NCAM2: variants seen among roughly 807,000 people sequenced by gnomAD.
NCAM2 encodes the protein N-CAM-2.
In NCAM2, 30 loss-of-function variants were observed where a neutral mutation model predicts 98.1. The ratio of observed to expected loss-of-function variants is 0.31; its 90% CI spans 0.23 to 0.41. NCAM2 has a LOEUF of 0.41. Ranked by LOEUF, NCAM2 falls within the 10% of genes least tolerant of loss-of-function variation. NCAM2 has a pLI of 1.00. For synonymous variants in NCAM2, 368 were observed against 342.4 expected (o/e 1.07, Z -0.83); for missense variants, 867 against 1,005.8 (o/e 0.86, Z 1.87).
chr21:21,117,045 T>C (rs1233039247), intron 1 of NCAM2, among the ~76,000 whole-genome samples: 1 of 152,194 alleles, frequency 6.6e-6, no homozygotes, highest in Non-Finnish European at 1.5e-5. Context: ...GTATATTCAG[T>C]GTACAATATG....
Position 21,537,898 on chromosome 21 carries a change from A to G in NCAM2, c.2455A>G (p.Ile819Val), listed in dbSNP as rs377126033. 5.1e-6 allele frequency: 8 copies of G among 1,583,476 alleles called. No homozygotes were observed. Among genetic ancestry groups the G allele is most frequent in the Non-Finnish European group, 4.3e-6 (5 of 1,165,888 alleles). ...DGKEALNPET[I>V]EIKVSNDIIQ... ...GAAAGAAGCTCTAAATCCAGAAACTATAGAAATTAAAGTTTCTAACGACAT... is the reference window on the plus strand; with the variant it reads ...GAAAGAAGCTCTAAATCCAGAAACTGTAGAAATTAAAGTTTCTAACGACAT... Residue 819 changes from isoleucine (I) to valine (V), a missense_variant, in exon 18 of 18, where the codon ATA becomes GTA. Ile to Val is a conservative substitution (Grantham distance 29). Around this residue, in one of 5 missense-constraint regions of NCAM2, gnomAD observed 125 missense variants for 116.1 expected, o/e 1.08. Transcript: ENST00000400546.
chr21:21,203,267 C>T (rs1343904626), intron 1 of NCAM2, among the ~76,000 whole-genome samples: 4 of 152,082 alleles, frequency 2.6e-5, no homozygotes. Context: ...TTTGCTTTGT[C>T]TTGTTTTCTT....
At chr21:21,452,728 TTATATAATATATATAA>T (rs1304637347) in intron 12 of NCAM2, among the ~76,000 whole-genome samples, 3 of 108,994 alleles carry the variant, frequency 2.8e-5, no homozygotes, top group Admixed American at 2.5e-4. Context: ...ACTTTATATA[TTATATAATATATATAA>T]TATATAATAT....
At chr21:21,123,840 C>G (rs2066727206) in intron 1 of NCAM2, among the ~76,000 whole-genome samples, 1 of 58,074 alleles carries the variant, frequency 1.7e-5, no homozygotes, top group East Asian at 5.0e-4. Context: ...TGAATTCATT[C>G]TTGATTGCTT....
At chr21:21,391,214 T>C (rs567137172) in intron 9 of NCAM2, among the ~76,000 whole-genome samples, 1 of 152,084 alleles carries the variant, frequency 6.6e-6, no homozygotes, top group South Asian at 2.1e-4. Context: ...ATAGAAATAA[T>C]AATAATATTT....
chr21:21,490,274 A>G lies in NCAM2; in HGVS notation c.2077+12803A>G, dbSNP rs151209703. ...AAAAATAATTATGTTTAAGAATTCT[A>G]TTAGTGTTTCTGAGATGGTCTTAAC... is the stretch of plus-strand genomic sequence containing the variant. On this transcript the variant is annotated intron_variant, in intron 15 of 17. Coordinates refer to ENST00000400546, the MANE Select transcript of NCAM2 (RefSeq NM_004540.5). Among the ~76,000 whole-genome samples, 5 of 152,122 alleles carry G rather than the reference A, an allele frequency of 3.3e-5. No homozygotes were observed. The East Asian group carries it at 9.6e-4, about 29-fold the overall frequency.
intron 1 of NCAM2, among the ~76,000 whole-genome samples, chr21:21,013,579 C>T (rs1325013787): frequency 6.6e-6 from 1 of 152,016 alleles, no homozygotes; most frequent in Non-Finnish European, 1.5e-5. Flanking sequence ...GTCAGGAGTT[C>T]GAGACCAGCC....
chr21:21,320,117 G>T (rs1218622016), intron 5 of NCAM2, among the ~76,000 whole-genome samples: 1 of 152,020 alleles, frequency 6.6e-6, no homozygotes, highest in African/African-American at 2.4e-5. Context: ...GTTAGGTCAC[G>T]GCTTTACTAT....
chr21:21,080,374 T>C (rs1220926993), intron 1 of NCAM2, among the ~76,000 whole-genome samples: 1 of 152,098 alleles, frequency 6.6e-6, no homozygotes, highest in African/African-American at 2.4e-5. Context: ...CCCAGCATTT[T>C]GGGAGGCCGA....
intron 3 of NCAM2, 60 bp downstream of exon 3, chr21:21,284,460 A>C (rs2073032739): frequency 7.8e-7 from 1 of 1,287,648 alleles, no homozygotes; most frequent in Admixed American, 1.9e-5. Flanking sequence ...AAATAACCGA[A>C]AAAATAAAAT....
intron 9 of NCAM2, among the ~76,000 whole-genome samples, chr21:21,389,699 T>C (rs1339979423): frequency 6.6e-6 from 1 of 152,214 alleles, no homozygotes; most frequent in African/African-American, 2.4e-5. Flanking sequence ...GCCTGACTTA[T>C]TTCACTCAGT....
chr21:21,043,199 C>A (rs1315393149), intron 1 of NCAM2, among the ~76,000 whole-genome samples: 1 of 152,060 alleles, frequency 6.6e-6, no homozygotes, highest in African/African-American at 2.4e-5. Context: ...AAGTTCGTGC[C>A]ATTATCAAAA....
At chr21:21,321,749 C>G (rs2147783051) in intron 5 of NCAM2, among the ~76,000 whole-genome samples, 1 of 152,106 alleles carries the variant, frequency 6.6e-6, no homozygotes, top group Non-Finnish European at 1.5e-5. Flanking sequence ...AAATGTAAAT[C>G]AAAACCACAA....
At chr21:21,077,650 G>A (rs1458066020) in intron 1 of NCAM2, among the ~76,000 whole-genome samples, 1 of 152,090 alleles carries the variant, frequency 6.6e-6, no homozygotes, top group Non-Finnish European at 1.5e-5. Flanking sequence ...TCCTGGAAGA[G>A]TAAATAAAAT....
chr21:21,526,034 C>T (rs1602561255), intron 16 of NCAM2, among the ~76,000 whole-genome samples: 1 of 152,050 alleles, frequency 6.6e-6, no homozygotes, highest in Admixed American at 6.6e-5. Context: ...CTACAACTTA[C>T]ATCATTTTTT....
intron 12 of NCAM2, among the ~76,000 whole-genome samples, chr21:21,441,515 A>C (rs375071530): frequency 3.9e-4 from 59 of 152,326 alleles, no homozygotes; most frequent in African/African-American, 1.4e-3. Context: ...TGAAACAAAA[A>C]ATTATTTGCC....
At chr21:21,412,255 G>A (rs115775237) in intron 10 of NCAM2, among the ~76,000 whole-genome samples, 1,282 of 151,652 alleles carry the variant, frequency 8.5e-3, no homozygotes, top group African/African-American at 0.029. Context: ...ACAGAGTTCT[G>A]GTGTCTTCCT....
At chr21:21,376,909 G>A (rs991582484) in intron 9 of NCAM2, among the ~76,000 whole-genome samples, 1 of 151,610 alleles carries the variant, frequency 6.6e-6, no homozygotes, top group African/African-American at 2.4e-5. Context: ...AGTATCCCCT[G>A]AGATTATTAT....
intron 1 of NCAM2, among the ~76,000 whole-genome samples, chr21:21,068,834 T>A (rs116257635): frequency 0.015 from 2,215 of 152,294 alleles, 55 homozygotes; most frequent in African/African-American, 0.05. Flanking sequence ...TATTCCAGTT[T>A]GTGAAGTCAC....
Sources: allele counts gnomAD v4.1 joint callset (sites outside exome capture counted in the v4.1 genomes callset), GRCh38; gene constraint gnomAD v4.1.1; regional missense constraint gnomAD v4.1.1; transcripts MANE v1.5; gene names NCBI Gene and HGNC (gene_info 2026-07-23, HGNC 2026-07-21).